Variants in HCN1 observed in about 807,000 individuals in gnomAD.
The protein encoded by HCN1 is hyperpolarization activated cyclic nucleotide gated potassium channel 1.
In HCN1, 13 loss-of-function variants were observed where a neutral mutation model predicts 78.9. The ratio of observed to expected loss-of-function variants is 0.16; its 90% CI spans 0.11 to 0.26. The LOEUF is 0.26. Among genes scored for constraint, HCN1 ranks in the 10% least tolerant of loss-of-function variants. The pLI, the probability that HCN1 is intolerant of heterozygous loss-of-function variation, is 1.00. For missense variants in HCN1, 810 were observed against 1,154.3 expected (o/e 0.70, Z 4.32); for synonymous variants, 552 against 455.5 (o/e 1.21, Z -2.70).
chr5:45,386,402 C>T (rs1466993234), intron 4 of HCN1, among the ~76,000 whole-genome samples: 1 of 152,052 alleles, frequency 6.6e-6, no homozygotes, highest in African/African-American at 2.4e-5. Context: ...TAGTTGTGAA[C>T]TCCCTGGTTC....
chr5:45,539,939 TATATATATATATATATATATAA>T (rs1008509563), intron 2 of HCN1, among the ~76,000 whole-genome samples: 15 of 143,972 alleles, frequency 1.0e-4, no homozygotes, highest in African/African-American at 3.4e-4. Flanking sequence ...TATATATATA[TATATATATATATATATATATAA>T]AATGTTTATC....
intron 2 of HCN1, among the ~76,000 whole-genome samples, chr5:45,544,509 T>C (rs1484008016): frequency 6.6e-6 from 1 of 152,080 alleles, no homozygotes; most frequent in Non-Finnish European, 1.5e-5. Context: ...GTTTGTCACA[T>C]ATGTATACAT....
At chr5:45,297,499 G>T (rs888998570) in intron 6 of HCN1, among the ~76,000 whole-genome samples, 4 of 152,086 alleles carry the variant, frequency 2.6e-5, no homozygotes, top group Middle Eastern at 3.4e-3. Context: ...AAATCACCAG[G>T]CCCAAAAGTT....
intron 2 of HCN1, among the ~76,000 whole-genome samples, chr5:45,531,727 T>C (rs569093613): frequency 6.6e-6 from 1 of 152,156 alleles, no homozygotes; most frequent in Non-Finnish European, 1.5e-5. Flanking sequence ...ACACTTTTTT[T>C]TTCAAATATG....
chr5:45,290,000 G>A (rs957261996), intron 6 of HCN1, among the ~76,000 whole-genome samples: 8 of 151,978 alleles, frequency 5.3e-5, no homozygotes, highest in Non-Finnish European at 1.0e-4. Flanking sequence ...TTGAATTGTA[G>A]CTCCCATAAT....
At chr5:45,423,168 CACCTACTATGT>C (rs1740262480) in intron 3 of HCN1, among the ~76,000 whole-genome samples, 1 of 152,100 alleles carries the variant, frequency 6.6e-6, no homozygotes, top group South Asian at 2.1e-4. Flanking sequence ...TAAATACATG[CACCTACTATGT>C]ACCCATAAAA....
At chr5:45,627,538 AT>A (rs1028220476) in intron 2 of HCN1, among the ~76,000 whole-genome samples, 6 of 152,174 alleles carry the variant, frequency 3.9e-5, no homozygotes, top group African/African-American at 1.4e-4. Flanking sequence ...TGATTATGGC[AT>A]CCTACATTTC....
chr5:45,411,386 C>G (rs1309150541), intron 3 of HCN1, among the ~76,000 whole-genome samples: 1 of 151,348 alleles, frequency 6.6e-6, no homozygotes, highest in African/African-American at 2.4e-5. Flanking sequence ...TACCCAGTTA[C>G]AAGACTAAAC....
intron 1 of HCN1, among the ~76,000 whole-genome samples, chr5:45,663,924 G>T (rs2112063749): frequency 7.0e-6 from 1 of 142,822 alleles, no homozygotes; most frequent in East Asian, 2.2e-4. Flanking sequence ...TCTAGAACTA[G>T]AAATACCATT....
At chr5:45,656,552 A>G (rs1032450831) in intron 1 of HCN1, among the ~76,000 whole-genome samples, 2 of 152,210 alleles carry the variant, frequency 1.3e-5, no homozygotes, top group African/African-American at 4.8e-5. Flanking sequence ...TAAACGGATT[A>G]AATTGCATAA....
At chr5:45,372,909 C>A (rs1236058657) in intron 4 of HCN1, among the ~76,000 whole-genome samples, 1 of 139,700 alleles carries the variant, frequency 7.2e-6, no homozygotes, top group Non-Finnish European at 1.5e-5. Context: ...GTATTCTATA[C>A]ATAAAAATAT....
intron 1 of HCN1, among the ~76,000 whole-genome samples, chr5:45,672,483 C>G (rs1746169879): frequency 6.6e-6 from 1 of 150,442 alleles, no homozygotes; most frequent in Non-Finnish European, 1.5e-5. Context: ...TATTCTCAGG[C>G]TATCAGTACA....
chr5:45,638,906 C>A (rs1745404297), intron 2 of HCN1, among the ~76,000 whole-genome samples: 1 of 152,118 alleles, frequency 6.6e-6, no homozygotes, highest in South Asian at 2.1e-4. Flanking sequence ...CTTGACTTAA[C>A]ATCTCATTTC....
At chr5:45,459,322 T>C (rs1431990555) in intron 3 of HCN1, among the ~76,000 whole-genome samples, 1 of 151,098 alleles carries the variant, frequency 6.6e-6, no homozygotes, top group East Asian at 1.9e-4. Context: ...TCCTTCTCTC[T>C]ACATTCGAGT....
chr5:45,564,179 C>T (rs1743661216), intron 2 of HCN1, among the ~76,000 whole-genome samples: 1 of 152,102 alleles, frequency 6.6e-6, no homozygotes, highest in South Asian at 2.1e-4. Flanking sequence ...TGATTAATCC[C>T]ATCCTGATAC....
chr5:45,349,624 T>C (rs572702866), intron 5 of HCN1, among the ~76,000 whole-genome samples: 6 of 152,050 alleles, frequency 3.9e-5, no homozygotes, highest in African/African-American at 1.4e-4. Flanking sequence ...GATAGACCGC[T>C]AGCAAGACGA....
intron 1 of HCN1, among the ~76,000 whole-genome samples, chr5:45,664,051 A>G (rs948086295): frequency 6.0e-5 from 8 of 133,628 alleles, no homozygotes; most frequent in African/African-American, 2.0e-4. Context: ...AAGACTTGGA[A>G]CCAACCCAAA....
chr5:45,288,502 A>G (rs1244825684), intron 6 of HCN1, among the ~76,000 whole-genome samples: 2 of 152,000 alleles, frequency 1.3e-5, no homozygotes, highest in African/African-American at 4.8e-5. Context: ...CATTTTACAC[A>G]TGATGATTCT....
intron 2 of HCN1, among the ~76,000 whole-genome samples, chr5:45,526,008 T>C (rs1342026954): frequency 1.3e-5 from 2 of 151,868 alleles, no homozygotes; most frequent in Non-Finnish European, 2.9e-5. Flanking sequence ...CAGTGAGAAG[T>C]TGGCAGTCGG....
Sources: allele counts gnomAD v4.1 joint callset (sites outside exome capture counted in the v4.1 genomes callset), GRCh38; gene constraint gnomAD v4.1.1; transcripts MANE v1.5; gene names NCBI Gene and HGNC (gene_info 2026-07-23, HGNC 2026-07-21).